The following SLC30A8 variants were observed in gnomAD, a reference collection of about 807,000 sequenced individuals.
SLC30A8 encodes solute carrier family 30 member 8.
A neutral mutation model predicts 36.9 loss-of-function variants in SLC30A8; 27 were observed. The observed-to-expected ratio is 0.73, with a 90% CI of 0.54 to 1.01. The LOEUF (loss-of-function observed/expected upper bound fraction) is 1.01, where lower values mean the gene tolerates loss of function less well. Among genes scored for constraint, SLC30A8 ranks in the 50% least tolerant of loss-of-function variants. SLC30A8 has a pLI of 0.00. For synonymous variants in SLC30A8, 164 were observed against 172.4 expected (o/e 0.95, Z 0.38); for missense variants, 439 against 452.0 (o/e 0.97, Z 0.26).
intron 1 of SLC30A8, among the ~76,000 whole-genome samples, chr8:116,972,610 T>C (rs1657031568): frequency 6.6e-6 from 1 of 152,190 alleles, no homozygotes; most frequent in South Asian, 2.1e-4. Context: ...GGACTAAACA[T>C]ACGAATTAGT....
chr8:116,997,122 A>G (rs1386313162), intron 1 of SLC30A8, among the ~76,000 whole-genome samples: 1 of 152,114 alleles, frequency 6.6e-6, no homozygotes, highest in Non-Finnish European at 1.5e-5. Flanking sequence ...ACCTGTTTGC[A>G]TGTTTGAACT....
chr8:117,068,952 G>A (rs1818248074), intron 2 of SLC30A8, among the ~76,000 whole-genome samples: 1 of 151,994 alleles, frequency 6.6e-6, no homozygotes, highest in Admixed American at 6.6e-5. Flanking sequence ...ACCTTTAACT[G>A]TCAACTCTCA....
intron 1 of SLC30A8, among the ~76,000 whole-genome samples, chr8:116,975,720 A>G (rs1305923077): frequency 6.6e-6 from 1 of 152,250 alleles, no homozygotes; most frequent in Non-Finnish European, 1.5e-5. Flanking sequence ...GATGGAAAGA[A>G]TTGAAGCTGT....
At chr8:117,067,372 C>T (rs563491000) in intron 2 of SLC30A8, among the ~76,000 whole-genome samples, 1 of 151,238 alleles carries the variant, frequency 6.6e-6, no homozygotes, top group East Asian at 1.9e-4. Context: ...TTTTTAATCT[C>T]TGAAAGATTT....
intron 1 of SLC30A8, among the ~76,000 whole-genome samples, chr8:116,965,017 A>C (rs1308700392): frequency 6.6e-6 from 1 of 152,106 alleles, no homozygotes; most frequent in African/African-American, 2.4e-5. Flanking sequence ...GCTCACTGCA[A>C]CCTCTGCCTC....
intron 1 of SLC30A8, among the ~76,000 whole-genome samples, chr8:116,996,338 TTGTC>T (rs1182619579): frequency 1.3e-5 from 2 of 152,182 alleles, no homozygotes; most frequent in Admixed American, 6.5e-5. Flanking sequence ...AAAATACCCA[TTGTC>T]TGTCTTTATT....
chr8:117,008,758 G>T (rs971121658), intron 1 of SLC30A8, among the ~76,000 whole-genome samples: 2 of 152,192 alleles, frequency 1.3e-5, no homozygotes, highest in Non-Finnish European at 2.9e-5. Context: ...GTCATGCTTT[G>T]TGTAGCCCAG....
intron 1 of SLC30A8, among the ~76,000 whole-genome samples, chr8:117,033,280 A>T (rs150036020): frequency 0.031 from 4,659 of 152,372 alleles, 100 homozygotes; most frequent in Middle Eastern, 0.099. Flanking sequence ...TAAACAAATT[A>T]TGATGTATCT....
At position 117,015,547 on chromosome 8, in the gene SLC30A8, C is replaced by A. The variant is rs199674590; in HGVS notation, c.-265-23672C>A. On this transcript the variant is annotated intron_variant, in intron 1 of 10. Transcript: ENST00000427715. ...AGATGCTATTATGCACCCCCCCCCC[C>A]CAAAAAAAAGAGGGCGAGGGAGGGC... Among the ~76,000 whole-genome samples, 11 of 141,906 alleles carry A rather than the reference C, an allele frequency of 7.8e-5. No individual in the cohort carries two copies. The South Asian group carries it at 1.1e-3, about 15-fold the overall frequency. The allele number at this position is 141,906 out of a possible 152,430, so 93.1% of individuals were successfully genotyped here.
At chr8:117,111,411 T>C (rs960623875) in intron 2 of SLC30A8, among the ~76,000 whole-genome samples, 2 of 152,122 alleles carry the variant, frequency 1.3e-5, no homozygotes, top group Non-Finnish European at 2.9e-5. Context: ...TCACCATCTC[T>C]TCTTTCTTCT....
chr8:117,172,403 C>T (rs983870713), intron 7 of SLC30A8, 133 bp from the exon 8 acceptor site: 15 of 1,107,116 alleles, frequency 1.4e-5, no homozygotes, highest in African/African-American at 6.2e-5. Flanking sequence ...TCAGAGCAAA[C>T]GTGGCTTCCT....
chr8:117,096,618 A>ATT (rs35689578), intron 2 of SLC30A8, among the ~76,000 whole-genome samples: 14,330 of 152,194 alleles, frequency 0.094, 1,095 homozygotes, highest in African/African-American at 0.21. Flanking sequence ...TTACTAGTGT[A>ATT]AATGCTTAGG....
chr8:117,025,527 C>G (rs1044599453), intron 1 of SLC30A8, among the ~76,000 whole-genome samples: 5 of 152,166 alleles, frequency 3.3e-5, no homozygotes, highest in Non-Finnish European at 7.3e-5. Context: ...GATTGAACTC[C>G]TAGTGAGTTA....
upstream of SLC30A8, among the ~76,000 whole-genome samples, chr8:117,132,012 C>T (rs1447864230): frequency 6.6e-6 from 1 of 152,006 alleles, no homozygotes; most frequent in African/African-American, 2.4e-5. Context: ...CACACTACCT[C>T]TCCACACCAA....
Position 117,160,446 on chromosome 8 carries a change from T to TGTGCGC in SLC30A8, c.573-1291_573-1290insTGCGCG, listed in dbSNP as rs150458118. 3.0e-4 allele frequency among the ~76,000 whole-genome samples: 43 copies of TGTGCGC among 144,616 alleles called. 2 individuals are homozygous for TGTGCGC. The highest frequency in any genetic ancestry group is 9.9e-4 in the African/African-American group (39 of 39,332). The allele number at this position is 144,616 out of a possible 152,430, so 94.9% of individuals were successfully genotyped here. ...GTGTGTGTGTGTGTGCGCGCACATG[T>TGTGCGC]GCGCGCGGTGGGGGAGTGGGGTGTT... is the stretch of plus-strand genomic sequence containing the variant. On this transcript the variant is annotated intron_variant, in intron 4 of 7. Transcript: ENST00000456015.
intron 1 of SLC30A8, among the ~76,000 whole-genome samples, chr8:116,967,873 A>G (rs1354876036): frequency 6.6e-6 from 1 of 152,202 alleles, no homozygotes; most frequent in Admixed American, 6.5e-5. Context: ...AACTCTCTGT[A>G]GGCAATATGA....
intron 1 of SLC30A8, among the ~76,000 whole-genome samples, chr8:117,143,857 G>T (rs1433628632): frequency 6.6e-6 from 1 of 151,980 alleles, no homozygotes; most frequent in East Asian, 1.9e-4. Context: ...AGTAAAAATT[G>T]CCCACATTTT....
At chr8:117,164,535 C>T (rs1340283566) in intron 6 of SLC30A8, among the ~76,000 whole-genome samples, 3 of 152,152 alleles carry the variant, frequency 2.0e-5, no homozygotes. Context: ...GATGGCACAA[C>T]TGTACTGCAG....
chr8:117,068,974 A>G (rs1818249013), intron 2 of SLC30A8, among the ~76,000 whole-genome samples: 1 of 152,072 alleles, frequency 6.6e-6, no homozygotes, highest in South Asian at 2.1e-4. Flanking sequence ...TCTATCTCCA[A>G]GATTCACCCA....
Sources: gnomAD v4.1 joint callset for allele counts (sites outside exome capture counted in the v4.1 genomes callset) on GRCh38, gnomAD v4.1.1 for gene constraint, MANE v1.5 for transcripts, NCBI Gene and HGNC (gene_info 2026-07-23, HGNC 2026-07-21) for gene names.